ZFHX3: variants seen among roughly 807,000 people sequenced by gnomAD.
The protein encoded by ZFHX3 is zinc finger homeobox protein 3.
ZFHX3 carries 42 observed loss-of-function variants against 279.1 expected under a neutral mutation model. The observed-to-expected ratio is 0.15, with a 90% CI of 0.12 to 0.19. ZFHX3 has a LOEUF of 0.19. Among genes scored for constraint, ZFHX3 ranks in the 10% least tolerant of loss-of-function variants. ZFHX3 has a pLI of 1.00. For synonymous variants in ZFHX3, 2,293 were observed against 1,957.8 expected (o/e 1.17, Z -4.52); for missense variants, 4,981 against 4,754.0 (o/e 1.05, Z -1.40).
intron 5 of ZFHX3, among the ~76,000 whole-genome samples, chr16:73,233,498 G>A (rs983583351): frequency 6.6e-6 from 1 of 152,192 alleles, no homozygotes; most frequent in African/African-American, 2.4e-5. Context: ...CTGCTGCAGG[G>A]TTACTGAAAG....
intron 3 of ZFHX3, chr16:73,420,590 G>A (rs1294588658): frequency 6.6e-6 from 1 of 152,216 alleles, no homozygotes; most frequent in Non-Finnish European, 1.5e-5. Flanking sequence ...TTTGTTTGAT[G>A]TAATGACATG....
intron 1 of ZFHX3, among the ~76,000 whole-genome samples, chr16:73,023,116 A>G (rs1040509439): frequency 2.0e-5 from 3 of 152,156 alleles, no homozygotes; most frequent in Non-Finnish European, 1.5e-5. Context: ...GATTCCAGCT[A>G]CTCAGGAGCC....
chr16:73,367,117 G>C (rs150883269), intron 3 of ZFHX3, among the ~76,000 whole-genome samples: 22 of 152,096 alleles, frequency 1.4e-4, no homozygotes, highest in African/African-American at 4.3e-4. Flanking sequence ...CCTCATTAGG[G>C]AACTCTTCTG....
intron 1 of ZFHX3, among the ~76,000 whole-genome samples, chr16:73,818,918 AC>A (rs1960656328): frequency 6.6e-6 from 1 of 152,040 alleles, no homozygotes; most frequent in South Asian, 2.1e-4. Flanking sequence ...TCTGATTTAA[AC>A]TCCTGACAAT....
At chr16:73,665,064 T>C (rs2052821106) in intron 2 of ZFHX3, among the ~76,000 whole-genome samples, 3 of 152,204 alleles carry the variant, frequency 2.0e-5, no homozygotes, top group Middle Eastern at 3.2e-3. Context: ...AAGAGCACTA[T>C]TGTCCCTGCT....
At chr16:73,301,396 C>T (rs1424400565) in intron 4 of ZFHX3, among the ~76,000 whole-genome samples, 1 of 152,194 alleles carries the variant, frequency 6.6e-6, no homozygotes, top group Non-Finnish European at 1.5e-5. Flanking sequence ...AATCTTGGAT[C>T]TACTGACATT....
chr16:73,158,617 C>A (rs867135584), intron 5 of ZFHX3, among the ~76,000 whole-genome samples: 1 of 152,134 alleles, frequency 6.6e-6, no homozygotes, highest in Non-Finnish European at 1.5e-5. Context: ...TTGAGTACAT[C>A]GTTGCCACTC....
chr16:73,226,736 T>G (rs2012605609), intron 5 of ZFHX3, among the ~76,000 whole-genome samples: 1 of 152,234 alleles, frequency 6.6e-6, no homozygotes, highest in Admixed American at 6.5e-5. Flanking sequence ...TAATCTTACA[T>G]ATTTTTTTCT....
chr16:73,812,737 T>A (rs947892780), intron 1 of ZFHX3: 2 of 152,166 alleles, frequency 1.3e-5, no homozygotes, highest in African/African-American at 4.8e-5. Context: ...AACAGCTCAA[T>A]AGATGTTTGA....
At chr16:73,614,314 G>C (rs900797439) in intron 2 of ZFHX3, among the ~76,000 whole-genome samples, 13 of 152,168 alleles carry the variant, frequency 8.5e-5, no homozygotes, top group Admixed American at 6.5e-5. Flanking sequence ...CATGTGATAT[G>C]GAAACAGCTC....
chr16:73,316,628 T>C (rs939360398), intron 4 of ZFHX3, among the ~76,000 whole-genome samples: 1 of 152,214 alleles, frequency 6.6e-6, no homozygotes, highest in Non-Finnish European at 1.5e-5. Flanking sequence ...TCTCGTCTTA[T>C]ACTTGTTGGG....
intron 5 of ZFHX3, among the ~76,000 whole-genome samples, chr16:72,814,862 A>G (rs906668818): frequency 2.0e-5 from 3 of 152,198 alleles, no homozygotes; most frequent in Non-Finnish European, 4.4e-5. Context: ...TCTGTCTAGA[A>G]GTGGATATTA....
intron 3 of ZFHX3, among the ~76,000 whole-genome samples, chr16:72,931,314 CCTT>C (rs556792632): frequency 1.4e-4 from 21 of 151,980 alleles, no homozygotes; most frequent in South Asian, 6.2e-4. Context: ...ATTAAGTTCT[CCTT>C]CTTTCAAATC....
At chr16:73,251,929 ACACACACATACACAC>A (rs1056584054) in intron 5 of ZFHX3, among the ~76,000 whole-genome samples, 1 of 74,950 alleles carries the variant, frequency 1.3e-5, no homozygotes, top group Non-Finnish European at 2.4e-5. Context: ...CACACCATGA[ACACACACATACACAC>A]CACACACACG....
intron 8 of ZFHX3, among the ~76,000 whole-genome samples, chr16:73,078,759 C>G (rs1597149502): frequency 6.6e-6 from 1 of 152,040 alleles, no homozygotes; most frequent in African/African-American, 2.4e-5. Context: ...ATTCTCCTGC[C>G]TTAGCGTCCC....
intron 1 of ZFHX3, among the ~76,000 whole-genome samples, chr16:73,721,065 C>T (rs927946543): frequency 2.0e-5 from 3 of 152,176 alleles, no homozygotes; most frequent in Non-Finnish European, 1.5e-5. Context: ...CTATGTTTCC[C>T]AGTTCACCAC....
chr16:73,831,835 C>A (rs1339512163), intron 1 of ZFHX3, among the ~76,000 whole-genome samples: 1 of 152,232 alleles, frequency 6.6e-6, no homozygotes, highest in Non-Finnish European at 1.5e-5. Flanking sequence ...GGACAGGCAA[C>A]TGGACATCCA....
At chr16:73,882,550 G>C (rs971051317) in intron 1 of ZFHX3, among the ~76,000 whole-genome samples, 1 of 151,920 alleles carries the variant, frequency 6.6e-6, no homozygotes, top group African/African-American at 2.4e-5. Context: ...TGATGGCTCT[G>C]AGTCCTCATG....
intron 7 of ZFHX3, chr16:72,809,329 C>A (rs150063919): frequency 9.2e-5 from 14 of 152,310 alleles, no homozygotes; most frequent in African/African-American, 3.1e-4. Context: ...CTCCCCACAT[C>A]TCTTTCTGTT....
Sources: allele counts gnomAD v4.1 joint callset (sites outside exome capture counted in the v4.1 genomes callset), GRCh38; gene constraint gnomAD v4.1.1; transcripts MANE v1.5; gene names NCBI Gene and HGNC (gene_info 2026-07-23, HGNC 2026-07-21).